LRRC8B: variants seen among roughly 807,000 people sequenced by gnomAD.
LRRC8B encodes volume-regulated anion channel subunit LRRC8B.
A neutral mutation model predicts 58.8 loss-of-function variants in LRRC8B; 23 were observed. The observed-to-expected ratio is 0.39, with a 90% CI of 0.28 to 0.55. The LOEUF is 0.55. Ranked by LOEUF, LRRC8B falls within the 20% of genes least tolerant of loss-of-function variation. The pLI is 0.62. For missense variants in LRRC8B, 694 were observed against 936.0 expected (o/e 0.74, Z 3.37); for synonymous variants, 359 against 374.1 (o/e 0.96, Z 0.47).
chr1:89,560,892 G>A (rs1304465864), intron 1 of LRRC8B, among the ~76,000 whole-genome samples: 1 of 152,136 alleles, frequency 6.6e-6, no homozygotes, highest in Non-Finnish European at 1.5e-5. Flanking sequence ...AGTCATTTGA[G>A]TATATACCCA....
At chr1:89,541,784 A>C (rs1056947963) in intron 1 of LRRC8B, among the ~76,000 whole-genome samples, 5 of 146,252 alleles carry the variant, frequency 3.4e-5, no homozygotes, top group Admixed American at 1.4e-4. Flanking sequence ...ACTTGGCTAA[A>C]GTTAAGGCAG....
At chr1:89,548,162 G>A (rs1247190010) in intron 1 of LRRC8B, among the ~76,000 whole-genome samples, 1 of 152,134 alleles carries the variant, frequency 6.6e-6, no homozygotes, top group Non-Finnish European at 1.5e-5. Flanking sequence ...TTCACAAAGA[G>A]CACAAAATAA....
At chr1:89,531,540 T>C (rs1283382945) in intron 1 of LRRC8B, among the ~76,000 whole-genome samples, 2 of 152,230 alleles carry the variant, frequency 1.3e-5, no homozygotes, top group African/African-American at 4.8e-5. Context: ...GGTGGTCTTG[T>C]TATCTAGATG....
Position 89,584,336 on chromosome 1 carries a change from A to G in LRRC8B, c.1686A>G (p.Ser562=). ...IPQVVTDLLP[S]LQKLSLDNEG... Reference sequence around the variant, plus strand: ...AAGTTGTTACAGACCTCCTGCCTTCATTGCAGAAACTGTCCCTTGATAATG... The same window carrying G: ...AAGTTGTTACAGACCTCCTGCCTTCGTTGCAGAAACTGTCCCTTGATAATG... Residue 562 remains serine (S), a synonymous_variant, in exon 5 of 6, where the codon TCA becomes TCG. Coordinates refer to ENST00000330947, the MANE Select transcript of LRRC8B (RefSeq NM_001369817.2). 3.1e-6 allele frequency: 5 copies of G among 1,614,162 alleles called. No individual in the cohort carries two copies. Among genetic ancestry groups the G allele is most frequent in the South Asian group, 1.1e-5 (1 of 91,078 alleles).
At chr1:89,560,077 A>C (rs529695518) in intron 1 of LRRC8B, among the ~76,000 whole-genome samples, 2 of 152,356 alleles carry the variant, frequency 1.3e-5, no homozygotes, top group East Asian at 3.9e-4. Context: ...TCTCTCTAAC[A>C]TTACATGTAA....
At chr1:89,543,161 A>G (rs1651145712) in intron 1 of LRRC8B, among the ~76,000 whole-genome samples, 1 of 152,208 alleles carries the variant, frequency 6.6e-6, no homozygotes, top group South Asian at 2.1e-4. Flanking sequence ...CAATCTTCAC[A>G]TTTTCTGAAA....
rs1343558322 is a variant in LRRC8B at position 89,592,809 on chromosome 1, G to C, written c.2178G>C (p.Lys726Asn). ...MLPDGLFQCK[K>N]LQCLLLGKNS... ...CAGATGGGCTGTTTCAGTGCAAAAAGCTGCAGTGTTTACTTTTGGGGAAAA... is the reference window on the plus strand; with the variant it reads ...CAGATGGGCTGTTTCAGTGCAAAAACCTGCAGTGTTTACTTTTGGGGAAAA... The change falls in exon 6 of 6, where the codon AAG (lysine) becomes AAC (asparagine). Residue 726 changes from lysine to asparagine, a missense_variant. Transcript: ENST00000330947. 4 of 1,613,506 alleles carry C rather than the reference G, an allele frequency of 2.5e-6. No individual in the cohort carries two copies. Among genetic ancestry groups the C allele is most frequent in the African/African-American group, 2.7e-5 (2 of 74,688 alleles).
chr1:89,572,662 C>T (rs772197668), intron 3 of LRRC8B: 9 of 152,216 alleles, frequency 5.9e-5, no homozygotes, highest in East Asian at 3.9e-4. Flanking sequence ...TTTTGTTCTA[C>T]GTATTATGGC....
In LRRC8B at chr1:89,595,882, G is replaced by C. The variant is rs1655262770; in HGVS notation, c.*2839G>C. The C allele has an allele frequency of 2.0e-5, 3 of 152,064 alleles. No individual in the cohort carries two copies. Among genetic ancestry groups the C allele is most frequent in the Admixed American group, 2.0e-4 (3 of 15,270 alleles). The allele number at this position is 152,064 out of a possible 1,614,324, so 9.4% of individuals were successfully genotyped here. A position where few individuals can be genotyped will look rare whatever the true frequency, so the allele number is the denominator to read the frequency against. The stretch of plus-strand genomic sequence containing the variant: ...AATTATAATTATGAGACTTTCGTTG[G>C]CATTTGATTTCAAGAATACATATGC... On this transcript the variant is annotated 3_prime_UTR_variant, in exon 6 of 6. Coordinates refer to ENST00000330947, the MANE Select transcript of LRRC8B (RefSeq NM_001369817.2).
rs1433972225 is a variant in LRRC8B, at chr1:89,583,688, C to T, written c.1038C>T (p.Ser346=). ...TGAGGAGTTCCCTGAAGCAATATTC[C>T]TTTGAGGCGTTAAGAGAAAAAAGCA... The part of the protein sequence containing the change: ...WMLRSSLKQY[S]FEALREKSNY... Residue 346 remains serine (S), a synonymous_variant, in exon 5 of 6, where the codon TCC becomes TCT. Transcript: ENST00000330947. The surrounding 1 kb of genome is among the most constrained non-coding windows in gnomAD (Gnocchi z 5.2). 1 of 1,614,068 alleles carries T rather than the reference C, an allele frequency of 6.2e-7. No homozygotes were observed. Among genetic ancestry groups the T allele is most frequent in the South Asian group, 1.1e-5 (1 of 91,068 alleles).
rs148423300 is a variant in LRRC8B at position 89,554,450 on chromosome 1, G to T, written c.-240-13797G>T. 4.1e-4 allele frequency among the ~76,000 whole-genome samples: 62 copies of T among 152,132 alleles called. 1 individual carries two copies. Among genetic ancestry groups the T allele is most frequent in the Middle Eastern group, 3.4e-3 (1 of 294 alleles). On this transcript the variant is annotated intron_variant, in intron 1 of 5. Coordinates refer to ENST00000330947, the MANE Select transcript of LRRC8B (RefSeq NM_001369817.2). ...ATAATTCATTTGTTTGATCTTTCTT[G>T]TACTTATGCCTTCTTTCACCAATGC... is the stretch of plus-strand genomic sequence containing the variant.
chr1:89,549,330 T>C (rs1210766291), intron 1 of LRRC8B, among the ~76,000 whole-genome samples: 1 of 152,206 alleles, frequency 6.6e-6, no homozygotes, highest in Non-Finnish European at 1.5e-5. Context: ...AATTCCTTCA[T>C]GTTTCTATTA....
chr1:89,539,451 C>T (rs1451484557), intron 1 of LRRC8B, among the ~76,000 whole-genome samples: 1 of 152,188 alleles, frequency 6.6e-6, no homozygotes, highest in African/African-American at 2.4e-5. Context: ...ACTGGACCAG[C>T]CCAACATTGT....
intron 3 of LRRC8B, among the ~76,000 whole-genome samples, chr1:89,576,626 A>T (rs951807024): frequency 6.6e-6 from 1 of 152,146 alleles, no homozygotes; most frequent in African/African-American, 2.4e-5. Flanking sequence ...CAAATTGGCA[A>T]CTCTGAGGGA....
intron 1 of LRRC8B, among the ~76,000 whole-genome samples, chr1:89,541,749 A>AAAAAAAAAAAAATG (rs1651007195): frequency 8.0e-6 from 1 of 125,086 alleles, no homozygotes; most frequent in African/African-American, 2.9e-5. Flanking sequence ...AAAAAAAAAA[A>AAAAAAAAAAAAATG]GCTGGCTGTC....
At chr1:89,554,718 G>C (rs1303394543) in intron 1 of LRRC8B, among the ~76,000 whole-genome samples, 1 of 152,012 alleles carries the variant, frequency 6.6e-6, no homozygotes, top group Admixed American at 6.6e-5. Context: ...TCCTTAAATG[G>C]ATAAGACTCT....
chr1:89,552,163 A>G (rs1289446011), intron 1 of LRRC8B, among the ~76,000 whole-genome samples: 3 of 152,176 alleles, frequency 2.0e-5, no homozygotes, highest in African/African-American at 7.2e-5. Flanking sequence ...CTTCTTATTT[A>G]GATTGCTAGG....
rs1172288090 is a variant in LRRC8B, at chr1:89,597,049, C to G, written c.*4006C>G. The G allele has an allele frequency of 1.3e-5, 2 of 152,156 alleles. No individual in the cohort carries two copies. The highest frequency in any genetic ancestry group is 2.9e-5 in the Non-Finnish European group (2 of 68,008). The allele number at this position is 152,156 out of a possible 1,614,324, so 9.4% of individuals were successfully genotyped here. On this transcript the variant is annotated 3_prime_UTR_variant, in exon 6 of 6. Transcript: ENST00000330947. ...TATTTGAAATAGTATAAGCTAATTACTGTTGCAGAATGCCCTCGATATAAT... is the reference window on the plus strand; with the variant it reads ...TATTTGAAATAGTATAAGCTAATTAGTGTTGCAGAATGCCCTCGATATAAT...
chr1:89,558,416 A>G (rs997383306), intron 1 of LRRC8B, among the ~76,000 whole-genome samples: 1 of 152,146 alleles, frequency 6.6e-6, no homozygotes, highest in Admixed American at 6.5e-5. Context: ...CAAAGCAACA[A>G]GTCAAGAGGT....
Sources: allele counts gnomAD v4.1 joint callset (sites outside exome capture counted in the v4.1 genomes callset), GRCh38; gene constraint gnomAD v4.1.1; non-coding constraint Gnocchi (gnomAD v3.1); transcripts MANE v1.5; gene names NCBI Gene and HGNC (gene_info 2026-07-23, HGNC 2026-07-21).